Variants in NOL6 observed in about 807,000 individuals in gnomAD.
The protein encoded by NOL6 is nucleolar RNA-associated protein.
In NOL6, 33 loss-of-function variants were observed where a neutral mutation model predicts 131.7. The ratio of observed to expected loss-of-function variants is 0.25; its 90% confidence interval spans 0.19 to 0.33. The LOEUF is 0.33. Among genes scored for constraint, NOL6 ranks in the 10% least tolerant of loss-of-function variants. NOL6 has a pLI of 1.00. For synonymous variants in NOL6, 580 were observed against 605.7 expected (o/e 0.96, Z 0.62); for missense variants, 1,297 against 1,494.5 (o/e 0.87, Z 2.18).
At position 33,470,072 on chromosome 9, in the gene NOL6, G is replaced by A; in HGVS notation, c.498C>T (p.Tyr166=). ...CTGGTCGGATGCAGGTGCCCAGAAG[G>A]TAGCTGCCCACAACAGTAACCTGGG... ...PPAQVTVVGS[Y]LLGTCIRPDI... is the part of the protein sequence containing the mutation. The change falls in exon 4 of 26, where the codon TAC becomes TAT. Residue 166 remains tyrosine, a synonymous_variant. Coordinates refer to ENST00000297990, the MANE Select transcript of NOL6 (RefSeq NM_022917.5). 6.2e-7 allele frequency: 1 copy of A among 1,613,044 alleles called. No homozygotes were observed. The highest frequency in any genetic ancestry group is 8.5e-7 in the Non-Finnish European group (1 of 1,179,344).
chr9:33,466,391 G>A lies in NOL6; in HGVS notation c.2126C>T (p.Ser709Phe), dbSNP rs1008798186. ...CCGCTCCCGCAGAGTCTCATAGAAG[G>A]AGAAGGCTGGACGGACTGGAGTTGG... ...FPPTPVRPAF[S>F]FYETLRERSS... is the part of the protein sequence containing the mutation. The change falls in exon 17 of 26, where the codon TCC becomes TTC. Residue 709 changes from serine (S) to phenylalanine (F), a missense_variant. Coordinates refer to ENST00000297990, the MANE Select transcript of NOL6 (RefSeq NM_022917.5). 1 of 1,614,070 alleles carries A rather than the reference G, an allele frequency of 6.2e-7. No individual in the cohort carries two copies. Among genetic ancestry groups the A allele is most frequent in the African/African-American group, 1.3e-5 (1 of 74,944 alleles).
At chr9:33,470,462 G>A (rs1827378623) in intron 3 of NOL6, 4 of 216,002 alleles carry the variant, frequency 1.9e-5, no homozygotes. Context: ...GGAGGCCGAG[G>A]TGGGCGGATC....
chr9:33,470,300 CA>C (rs1270697488), intron 3 of NOL6, 109 bp from the exon 4 acceptor site: 2 of 981,542 alleles, frequency 2.0e-6, no homozygotes, highest in African/African-American at 3.4e-5. Flanking sequence ...ACCAAACTCC[CA>C]ATCTTCCCAT....
At chr9:33,465,612 C>G in intron 19 of NOL6, 122 bp downstream of exon 19, 1 of 1,190,126 alleles carries the variant, frequency 8.4e-7, no homozygotes, top group Non-Finnish European at 1.2e-6. Flanking sequence ...ACCTGCCTGA[C>G]TCCAGAACTC....
In NOL6 at chr9:33,462,183, C is replaced by G. The variant is rs1453941474; in HGVS notation, c.*481G>C. ...ACTGCTCAGTGTCGGTGATGTGACT[C>G]AGAAGGGCCACATTTTCGCTGGGTC... is the stretch of plus-strand genomic sequence containing the variant. On this transcript the variant is annotated 3_prime_UTR_variant, in exon 26 of 26. Transcript: ENST00000297990. 1.4e-6 allele frequency: 1 copy of G among 717,502 alleles called. No homozygotes were observed. Among genetic ancestry groups the G allele is most frequent in the Non-Finnish European group, 2.6e-6 (1 of 385,100 alleles). The allele number at this position is 717,502 out of a possible 1,614,324, so 44.4% of individuals were successfully genotyped here.
intron 5 of NOL6, 37 bp downstream of exon 5, chr9:33,469,462 C>A: frequency 6.3e-7 from 1 of 1,592,362 alleles, no homozygotes. Context: ...GATTTACCAT[C>A]CCATGCTATG....
chr9:33,469,804 C>T, intron 4 of NOL6, 137 bp from the exon 5 acceptor site: 1 of 1,137,230 alleles, frequency 8.8e-7, no homozygotes, highest in Non-Finnish European at 1.2e-6. Flanking sequence ...AACACTAGGC[C>T]CAGTTCTCAT....
rs139827289 is a variant in NOL6, at chr9:33,472,176, C to T, written c.261+30G>A. 9.4e-5 allele frequency: 152 copies of T among 1,613,422 alleles called. No homozygotes were observed. In the African/African-American group the frequency reaches 1.5e-3, roughly 16 times the overall value. ...GCCTCAGGGTCCCAGGTACACACCT[C>T]GAACAAAAGCTGCAGACACTCAACA... On this transcript the variant is annotated intron_variant, in intron 2 of 25. Transcript: ENST00000297990.
chr9:33,469,798 C>G (rs764005211), intron 4 of NOL6, 131 bp from the exon 5 acceptor site: 2 of 1,175,468 alleles, frequency 1.7e-6, no homozygotes, highest in Non-Finnish European at 2.4e-6. Flanking sequence ...GTTAGCAACA[C>G]TAGGCCCAGT....
rs767595882 is a variant in NOL6 at position 33,466,659 on chromosome 9, G to A, written c.2001C>T (p.Asp667=). 8.7e-6 allele frequency: 14 copies of A among 1,613,784 alleles called. No individual in the cohort carries two copies. Among genetic ancestry groups the A allele is most frequent in the East Asian group, 4.5e-5 (2 of 44,892 alleles). The change falls in exon 16 of 26, where the codon GAC becomes GAT. Residue 667 remains aspartate (D), a synonymous_variant. Transcript: ENST00000297990. ...EALVAAVRCY[D]DLSRLLWGLE... Reference sequence around the variant, plus strand: ...GCCCCCACAGTAGGCGACTGAGGTCGTCGTAGCAACGTACCGCCGCTACCA... The same window carrying A: ...GCCCCCACAGTAGGCGACTGAGGTCATCGTAGCAACGTACCGCCGCTACCA...
At chr9:33,464,221 C>T in intron 21 of NOL6, 60 bp from the exon 22 acceptor site, 1 of 1,536,784 alleles carries the variant, frequency 6.5e-7, no homozygotes, top group Admixed American at 2.0e-5. Flanking sequence ...CCCTCTACTC[C>T]CCCAGGTCCT....
chr9:33,472,048 C>T lies in NOL6; in HGVS notation c.334G>A (p.Val112Ile). 1.2e-6 allele frequency: 2 copies of T among 1,613,108 alleles called. No homozygotes were observed. Among genetic ancestry groups the T allele is most frequent in the Non-Finnish European group, 1.7e-6 (2 of 1,180,028 alleles). Residue 112 changes from valine (V) to isoleucine (I), a missense_variant, in exon 3 of 26, where the codon GTC becomes ATC. By Grantham distance (29) the Val-to-Ile change is conservative. Transcript: ENST00000297990. ...KDRIDAFLREVNQRVVRVPSV... is the reference protein window; with the variant it reads ...KDRIDAFLREINQRVVRVPSV... ...GGCACCCTCACAACCCGCTGGTTGA[C>T]CTCCCGTAGGAAGGCATCAATCCGA...
At position 33,472,014 on chromosome 9, in the gene NOL6, G is replaced by A; in HGVS notation, c.368C>T (p.Pro123Leu). ...NQRVVRVPSVPETELTDQAWL... is the reference protein window; with the variant it reads ...NQRVVRVPSVLETELTDQAWL... ...AGGCCACTTGCTTACCTCTGTCTCAGGGACTGAGGGCACCCTCACAACCCG... is the reference window on the plus strand; with the variant it reads ...AGGCCACTTGCTTACCTCTGTCTCAAGGACTGAGGGCACCCTCACAACCCG... Residue 123 changes from proline (P) to leucine (L), a missense_variant, in exon 3 of 26, where the codon CCT becomes CTT. Physicochemically the swap from Pro to Leu is moderately conservative, Grantham distance 98. Transcript: ENST00000297990. 1 of 1,611,726 alleles carries A rather than the reference G, an allele frequency of 6.2e-7. No individual in the cohort carries two copies. The highest frequency in any genetic ancestry group is 8.5e-7 in the Non-Finnish European group (1 of 1,179,522).
rs747191069 is a variant in NOL6, at chr9:33,468,390, G to A, written c.1239C>T (p.Ser413=). The change falls in exon 10 of 26, where the codon TCC becomes TCT. Residue 413 remains serine (S), a synonymous_variant. Transcript: ENST00000297990. ...PALADFHQAF[S]VVFLDSSGHL... ...GGCCTGAGGAATCCAGGAAGACAAC[G>A]GAGAAGGCCTGGTGGAAGTCAGCCA... 1.1e-5 allele frequency: 17 copies of A among 1,614,016 alleles called. No individual in the cohort carries two copies. The highest frequency in any genetic ancestry group is 5.0e-5 in the Admixed American group (3 of 59,996).
In NOL6 at chr9:33,471,599, A is replaced by G. The variant is rs117721516; in HGVS notation, c.378+405T>C. ...TCTTTACACAAATGTCACTTCAATA[A>G]GGCCTACTTTGTGAACACCCCCTTT... On this transcript the variant is annotated intron_variant, in intron 3 of 25. Coordinates refer to ENST00000297990, the MANE Select transcript of NOL6 (RefSeq NM_022917.5). Among the ~76,000 whole-genome samples the G allele has an allele frequency of 3.2e-3, 487 of 152,322 alleles. 2 individuals carry two copies. The highest frequency in any genetic ancestry group is 0.01 in the Middle Eastern group (3 of 294).
rs1161364862 is a variant in NOL6 at position 33,469,274 on chromosome 9, G to A, written c.795C>T (p.Cys265=). The A allele has an allele frequency of 1.2e-6, 2 of 1,614,192 alleles. No individual in the cohort carries two copies. Among genetic ancestry groups the A allele is most frequent in the Non-Finnish European group, 8.5e-7 (1 of 1,180,042 alleles). The part of the protein sequence containing the change: ...PCPPPDFFRP[C]RLLPTKNNVR... ...CATTGTTCTTGGTTGGCAGCAAGCG[G>A]CACGGGCGGAAGAAGTCAGGTGGAG... Residue 265 remains cysteine (C), a synonymous_variant, in exon 6 of 26, where the codon TGC becomes TGT. Coordinates refer to ENST00000297990, the MANE Select transcript of NOL6 (RefSeq NM_022917.5).
Position 33,468,544 on chromosome 9 carries a change from G to A in NOL6, c.1170C>T (p.Asn390=), listed in dbSNP as rs147424571. The A allele has an allele frequency of 4.5e-5, 73 of 1,614,134 alleles. No homozygotes were observed. The highest frequency in any genetic ancestry group is 3.6e-4 in the African/African-American group (27 of 75,020). The part of the protein sequence containing the change: ...QFLATTDLTV[N]GISLCLSSDP... ...CTGAGCTGAGACATAAACTGATCCCGTTGACTGTCAGGTCTGTAGTGGCTG... is the reference window on the plus strand; with the variant it reads ...CTGAGCTGAGACATAAACTGATCCCATTGACTGTCAGGTCTGTAGTGGCTG... Residue 390 remains asparagine, a synonymous_variant, in exon 9 of 26, where the codon AAC becomes AAT. Transcript: ENST00000297990.
chr9:33,462,594 A>C lies in NOL6; in HGVS notation c.*70T>G. The C allele has an allele frequency of 6.4e-7, 1 of 1,558,852 alleles. No individual in the cohort carries two copies. The highest frequency in any genetic ancestry group is 2.3e-5 in the East Asian group (1 of 44,316). On this transcript the variant is annotated 3_prime_UTR_variant, in exon 26 of 26. Transcript: ENST00000297990. ...TTCATGTCCAAGGAGGGTGGAGGTC[A>C]TCCTACTGACATCTTGCTCTAGAGG... is the stretch of plus-strand genomic sequence containing the variant.
In NOL6 at chr9:33,467,701, G is replaced by C. The variant is rs762448804; in HGVS notation, c.1592C>G (p.Pro531Arg). 2.6e-6 allele frequency: 4 copies of C among 1,565,658 alleles called. No individual in the cohort carries two copies. Among genetic ancestry groups the C allele is most frequent in the Non-Finnish European group, 3.5e-6 (4 of 1,157,852 alleles). Residue 531 changes from proline (P) to arginine (R), a missense_variant, in exon 12 of 26, where the codon CCA (proline) becomes CGA (arginine). Pro to Arg is a moderately radical substitution (Grantham distance 103). Coordinates refer to ENST00000297990, the MANE Select transcript of NOL6 (RefSeq NM_022917.5). This position sits in a 1 kb window ranked among gnomAD's most constrained non-coding sequence, Gnocchi z 4.4. ...CCTACACCACCTCACCTCTGGGACT[G>C]GGGGTCGAGAGTGAGCCAGCAGGTT... Reference protein sequence around the residue: ...RLNLLAHSRPPVPEWDISQDP... With the variant: ...RLNLLAHSRPRVPEWDISQDP...
Sources: gnomAD v4.1 joint callset for allele counts (sites outside exome capture counted in the v4.1 genomes callset) on GRCh38, gnomAD v4.1.1 for gene constraint, Gnocchi (gnomAD v3.1) non-coding constraint, MANE v1.5 for transcripts, NCBI Gene and HGNC (gene_info 2026-07-23, HGNC 2026-07-21) for gene names.